Variants in PTPN3 observed in about 807,000 individuals in gnomAD.
PTPN3 encodes the protein protein tyrosine phosphatase non-receptor type 3, also known as tyrosine-protein phosphatase non-receptor type 3.
A neutral mutation model predicts 132.7 loss-of-function variants in PTPN3; 96 were observed. The ratio of observed to expected loss-of-function variants is 0.72; its 90% CI spans 0.61 to 0.86. The LOEUF is 0.86. Among genes scored for constraint, PTPN3 ranks in the 40% least tolerant of loss-of-function variants. PTPN3 has a pLI of 0.00. For synonymous variants in PTPN3, 398 were observed against 429.0 expected (o/e 0.93, Z 0.89); for missense variants, 1,125 against 1,159.6 (o/e 0.97, Z 0.43).
Position 109,379,532 on chromosome 9 carries a change from G to A in PTPN3, c.*24C>T, listed in dbSNP as rs775880624. 4.3e-5 allele frequency: 68 copies of A among 1,596,436 alleles called. No individual in the cohort carries two copies. The highest frequency in any genetic ancestry group is 5.8e-5 in the Non-Finnish European group (68 of 1,164,108). ...TCAAGGAGGATGCCCTTGGGAAAGA[G>A]GAATGAACTTTTTCACAGTTGTCTT... On this transcript the variant is annotated 3_prime_UTR_variant, in exon 26 of 26. Transcript: ENST00000374541.
At chr9:109,416,341 C>T (rs1327596541) in intron 14 of PTPN3, among the ~76,000 whole-genome samples, 3 of 152,136 alleles carry the variant, frequency 2.0e-5, no homozygotes, top group Admixed American at 6.5e-5. Context: ...CCATTGCTCG[C>T]AGGGCTCTCA....
chr9:109,483,905 T>C (rs550584643), intron 1 of PTPN3, among the ~76,000 whole-genome samples: 2 of 152,324 alleles, frequency 1.3e-5, no homozygotes, highest in Non-Finnish European at 2.9e-5. Flanking sequence ...GTGCAGTCTC[T>C]GGACCAGTGA....
At chr9:109,454,378 G>A in intron 5 of PTPN3, 118 bp downstream of exon 5, 1 of 835,958 alleles carries the variant, frequency 1.2e-6, no homozygotes, top group Non-Finnish European at 2.0e-6. Flanking sequence ...GATCATCATT[G>A]TTGGTGTAGT....
At chr9:109,463,536 T>C (rs1845948965) in intron 1 of PTPN3, 85 bp from the exon 2 acceptor site, 2 of 1,280,268 alleles carry the variant, frequency 1.6e-6, no homozygotes, top group South Asian at 1.5e-5. Context: ...GATCCCATCC[T>C]CTCGATACTG....
At chr9:109,462,764 T>G (rs761947354) in intron 2 of PTPN3, among the ~76,000 whole-genome samples, 34 of 152,008 alleles carry the variant, frequency 2.2e-4, no homozygotes, top group African/African-American at 8.0e-4. Flanking sequence ...GTGAGGCTGA[T>G]TGTTTCACAA....
intron 1 of PTPN3, among the ~76,000 whole-genome samples, chr9:109,473,886 T>A (rs1247319358): frequency 6.6e-6 from 1 of 151,100 alleles, no homozygotes; most frequent in East Asian, 1.9e-4. Context: ...CTGAGTTTTT[T>A]AAAAATTAGA....
chr9:109,410,456 A>G, intron 14 of PTPN3, 41 bp from the exon 15 acceptor site: 7 of 1,595,370 alleles, frequency 4.4e-6, no homozygotes, highest in Middle Eastern at 3.3e-4. Flanking sequence ...AACTGGGTTA[A>G]TATTTTATTA....
At chr9:109,514,097 A>G in the PTPN3 span, among the ~76,000 whole-genome samples, 2 of 152,182 alleles carry the variant, frequency 1.3e-5, no homozygotes, top group Admixed American at 6.5e-5. Flanking sequence ...AAACAAAGAA[A>G]TGACGTGTTC....
chr9:109,526,257 G>A, the PTPN3 span, among the ~76,000 whole-genome samples: 8 of 150,906 alleles, frequency 5.3e-5, no homozygotes, highest in African/African-American at 9.7e-5. Context: ...TCATGGATTA[G>A]AAGACACAAT....
chr9:109,457,739 CA>C (rs1258081537), intron 2 of PTPN3, among the ~76,000 whole-genome samples: 1 of 152,204 alleles, frequency 6.6e-6, no homozygotes, highest in Non-Finnish European at 1.5e-5. Flanking sequence ...GGATTATCCA[CA>C]ATGAAATGCT....
rs1007919741 is a variant in PTPN3, at chr9:109,498,181, C to G, written c.-18+38G>C. The stretch of plus-strand genomic sequence containing the variant: ...GACCCCGGCCCCCGGCAGCCCCGCA[C>G]CCTGCCCCCGGCCCGCTGGGGTCGC... On this transcript the variant is annotated intron_variant, in intron 1 of 25. Transcript: ENST00000374541. This position sits in a 1 kb window ranked among gnomAD's most constrained non-coding sequence, Gnocchi z 4.2. The G allele has an allele frequency of 6.8e-6, 1 of 146,522 alleles. No individual in the cohort carries two copies. The highest frequency in any genetic ancestry group is 1.5e-5 in the Non-Finnish European group (1 of 65,892). 9.1% of individuals were successfully genotyped at this position (146,522 alleles called of 1,614,324 possible).
intron 22 of PTPN3, among the ~76,000 whole-genome samples, chr9:109,388,671 A>C (rs1039757240): frequency 6.6e-6 from 1 of 152,170 alleles, no homozygotes; most frequent in African/African-American, 2.4e-5. Flanking sequence ...GGGGGCTGCT[A>C]TCCAGGGCAA....
intron 14 of PTPN3, among the ~76,000 whole-genome samples, 173 bp from the exon 15 acceptor site, chr9:109,410,588 C>A (rs752727658): frequency 6.6e-5 from 10 of 152,150 alleles, no homozygotes; most frequent in Non-Finnish European, 1.3e-4. Flanking sequence ...CACCCCTGAC[C>A]GCATCTGGCC....
chr9:109,429,113 C>A, intron 10 of PTPN3: 1 of 941,012 alleles, frequency 1.1e-6, no homozygotes, highest in Non-Finnish European at 1.3e-6. Context: ...TTAACATTTG[C>A]AAGATAACAG....
the PTPN3 span, among the ~76,000 whole-genome samples, chr9:109,524,284 T>C: frequency 2.1e-5 from 2 of 94,384 alleles, no homozygotes; most frequent in African/African-American, 8.5e-5. Flanking sequence ...CCAGCTGCCA[T>C]TCATTGAAAG....
chr9:109,535,653 C>T, the PTPN3 span, among the ~76,000 whole-genome samples: 53 of 152,084 alleles, frequency 3.5e-4, no homozygotes, highest in South Asian at 1.5e-3. Context: ...ACTATAGGTG[C>T]GTGCCACCAT....
intron 22 of PTPN3, among the ~76,000 whole-genome samples, chr9:109,386,001 G>A (rs1310669869): frequency 6.6e-6 from 1 of 152,210 alleles, no homozygotes; most frequent in African/African-American, 2.4e-5. Context: ...CAAGCCATAC[G>A]CCTGCTGTGA....
intron 2 of PTPN3, among the ~76,000 whole-genome samples, chr9:109,461,213 C>G (rs1845828523): frequency 1.3e-5 from 2 of 152,028 alleles, no homozygotes. Context: ...GCCAACAGAC[C>G]CCTAAATCAG....
chr9:109,401,263 C>A (rs565950894), intron 19 of PTPN3, among the ~76,000 whole-genome samples: 2 of 152,120 alleles, frequency 1.3e-5, no homozygotes, highest in African/African-American at 2.4e-5. Context: ...TGGGTCTTCA[C>A]CTCCTCTCCT....
Sources: allele counts gnomAD v4.1 joint callset (sites outside exome capture counted in the v4.1 genomes callset), GRCh38; gene constraint gnomAD v4.1.1; non-coding constraint Gnocchi (gnomAD v3.1); transcripts MANE v1.5; gene names NCBI Gene and HGNC (gene_info 2026-07-23, HGNC 2026-07-21).